SULF1: variants seen among roughly 807,000 people sequenced by gnomAD.
SULF1 encodes sulfatase 1.
Under a neutral mutation model 110.5 loss-of-function variants are expected in SULF1, and 46 were observed. The observed-to-expected ratio is 0.42, with a 90% CI of 0.33 to 0.53. SULF1 has a LOEUF of 0.53. Ranked by LOEUF, SULF1 falls within the 20% of genes least tolerant of loss-of-function variation. SULF1 has a pLI of 0.12. For synonymous variants in SULF1, 371 were observed against 387.1 expected, an observed-to-expected ratio of 0.96 and a Z score of 0.49; for missense variants, 941 against 1,094.2, an observed-to-expected ratio of 0.86 and a Z score of 1.98.
At chr8:69,619,028 C>A (rs2130534565) in intron 13 of SULF1, among the ~76,000 whole-genome samples, 1 of 152,224 alleles carries the variant, frequency 6.6e-6, no homozygotes, top group Admixed American at 6.5e-5. Flanking sequence ...GTATGAGATC[C>A]TTTTAAATGA....
Position 69,604,835 on chromosome 8 carries a change from A to C in SULF1, c.1280A>C (p.Lys427Thr). 6.2e-7 allele frequency: 1 copy of C among 1,614,216 alleles called. No homozygotes were observed. The change falls in exon 13 of 23, where the codon AAG becomes ACG. Residue 427 changes from lysine (K) to threonine (T), a missense_variant. Physicochemically the swap from Lys to Thr is moderately conservative, Grantham distance 78. This residue lies in a region of SULF1 where 822 missense variants were observed against 934.3 expected (regional missense o/e 0.88). Coordinates refer to ENST00000402687, the MANE Select transcript of SULF1 (RefSeq NM_001128205.2). ...CTACGTAAGAAGGAAGAATCCAGCA[A>C]GAATATCCAACAGTCAAATCACTTG... is the stretch of plus-strand genomic sequence containing the variant. ...KFLRKKEESSKNIQQSNHLPK... is the reference protein window; with the variant it reads ...KFLRKKEESSTNIQQSNHLPK...
intron 3 of SULF1, among the ~76,000 whole-genome samples, chr8:69,521,116 A>G (rs1224547130): frequency 6.6e-6 from 1 of 152,190 alleles, no homozygotes; most frequent in Non-Finnish European, 1.5e-5. Flanking sequence ...TTTCCTTAGA[A>G]GTCTCAACAA....
At chr8:69,568,875 A>G (rs1035651981) in intron 5 of SULF1, among the ~76,000 whole-genome samples, 2 of 152,236 alleles carry the variant, frequency 1.3e-5, no homozygotes, top group Non-Finnish European at 2.9e-5. Flanking sequence ...CTGAAAAAAT[A>G]TATATCTGAA....
intron 3 of SULF1, among the ~76,000 whole-genome samples, chr8:69,523,002 A>G (rs989419084): frequency 1.3e-5 from 2 of 152,238 alleles, no homozygotes; most frequent in African/African-American, 4.8e-5. Flanking sequence ...AGAGAAGCAC[A>G]GTAAAATATG....
At chr8:69,573,159 G>A (rs1805359952) in intron 5 of SULF1, among the ~76,000 whole-genome samples, 1 of 152,192 alleles carries the variant, frequency 6.6e-6, no homozygotes, top group African/African-American at 2.4e-5. Context: ...CCCAGTGGTG[G>A]AGCTGTATTC....
chr8:69,548,784 A>G (rs1814478285), intron 3 of SULF1, among the ~76,000 whole-genome samples: 1 of 151,122 alleles, frequency 6.6e-6, no homozygotes. Context: ...TTGAGGACCC[A>G]GAGCCAAAAC....
At chr8:69,530,547 T>C (rs140417788) in intron 3 of SULF1, among the ~76,000 whole-genome samples, 1 of 152,322 alleles carries the variant, frequency 6.6e-6, no homozygotes, top group African/African-American at 2.4e-5. Context: ...TGTTCTGCTT[T>C]GACTTCTCTC....
Position 69,629,382 on chromosome 8 carries a change from A to G in SULF1, c.2109-122A>G. ...TTTTAAGTCCCTCTATACAAAATGAAGGTCGTCCATTATCTCTTATCAAGG... is the reference window on the plus strand; with the variant it reads ...TTTTAAGTCCCTCTATACAAAATGAGGGTCGTCCATTATCTCTTATCAAGG... On this transcript the variant is annotated intron_variant, in intron 18 of 22. Coordinates refer to ENST00000402687, the MANE Select transcript of SULF1 (RefSeq NM_001128205.2). 9 of 1,002,128 alleles carry G rather than the reference A, an allele frequency of 9.0e-6. No individual in the cohort carries two copies. The South Asian group carries it at 1.5e-4, about 16-fold the overall frequency. 62.1% of individuals were successfully genotyped at this position (1,002,128 alleles called of 1,614,324 possible).
chr8:69,614,876 G>T (rs1039143565), intron 13 of SULF1, among the ~76,000 whole-genome samples: 1 of 152,234 alleles, frequency 6.6e-6, no homozygotes, highest in African/African-American at 2.4e-5. Flanking sequence ...TTTGTGGAAT[G>T]ACTGTGTGCT....
At chr8:69,503,251 A>G (rs185803001) in intron 3 of SULF1, among the ~76,000 whole-genome samples, 2 of 152,312 alleles carry the variant, frequency 1.3e-5, no homozygotes, top group East Asian at 3.9e-4. Context: ...TTTGACATAA[A>G]GTTATAAGCA....
Position 69,621,110 on chromosome 8 carries a change from G to A in SULF1, c.1453G>A (p.Val485Ile). The change falls in exon 14 of 23, where the codon GTC becomes ATC. Residue 485 changes from valine to isoleucine, a missense_variant. Coordinates refer to ENST00000402687, the MANE Select transcript of SULF1 (RefSeq NM_001128205.2). ...KCKGPSDLLT[V>I]RQSTRNLYAR... ...TAAAGGACCCAGTGACCTGCTCACA[G>A]TCCGGCAGAGCACGCGGAACCTCTA... 6.2e-7 allele frequency: 1 copy of A among 1,614,174 alleles called. No individual in the cohort carries two copies. Among genetic ancestry groups the A allele is most frequent in the African/African-American group, 1.3e-5 (1 of 75,060 alleles).
intron 1 of SULF1, among the ~76,000 whole-genome samples, chr8:69,479,447 C>G (rs1488764753): frequency 6.6e-6 from 1 of 152,030 alleles, no homozygotes; most frequent in Non-Finnish European, 1.5e-5. Context: ...AAAATTTTGT[C>G]TAGGAATGGC....
At chr8:69,563,810 G>C in intron 4 of SULF1, 106 bp from the exon 5 acceptor site, 2 of 642,522 alleles carry the variant, frequency 3.1e-6, no homozygotes, top group Non-Finnish European at 5.3e-6. Flanking sequence ...GTCTCTGCCA[G>C]CTTATGTGCC....
chr8:69,518,967 C>T (rs889523875), intron 3 of SULF1, among the ~76,000 whole-genome samples: 2 of 152,166 alleles, frequency 1.3e-5, no homozygotes, highest in African/African-American at 4.8e-5. Flanking sequence ...ACACTCTATC[C>T]TCATCTCTGC....
At chr8:69,551,610 T>C (rs1814714778) in intron 3 of SULF1, among the ~76,000 whole-genome samples, 1 of 152,174 alleles carries the variant, frequency 6.6e-6, no homozygotes, top group African/African-American at 2.4e-5. Context: ...AGATAGAAAA[T>C]AATCCTATCT....
rs561857069 is a variant in SULF1 at position 69,521,337 on chromosome 8, A to G, written c.-134+19369A>G. On this transcript the variant is annotated intron_variant, in intron 3 of 22. Transcript: ENST00000402687. ...AGGTCTTCCATTCTAATAGCAGGAG[A>G]CAGACAATAAGACTAACCACAATAT... is the stretch of plus-strand genomic sequence containing the variant. Among the ~76,000 whole-genome samples, 96 of 152,306 alleles carry G rather than the reference A, an allele frequency of 6.3e-4. 1 individual carries two copies. The highest frequency in any genetic ancestry group is 2.2e-3 in the African/African-American group (91 of 41,570).
intron 3 of SULF1, among the ~76,000 whole-genome samples, chr8:69,530,613 T>C (rs935911807): frequency 6.6e-6 from 1 of 152,220 alleles, no homozygotes; most frequent in African/African-American, 2.4e-5. Flanking sequence ...AGGTTCTCTC[T>C]GGATTTCATT....
At chr8:69,574,832 A>G (rs987019303) in intron 5 of SULF1, among the ~76,000 whole-genome samples, 2 of 152,200 alleles carry the variant, frequency 1.3e-5, no homozygotes, top group African/African-American at 2.4e-5. Context: ...ATGAGACCCA[A>G]TTAGAAACCC....
chr8:69,608,367 T>A (rs756847672), intron 13 of SULF1, among the ~76,000 whole-genome samples: 1 of 152,214 alleles, frequency 6.6e-6, no homozygotes, highest in Non-Finnish European at 1.5e-5. Flanking sequence ...TTTTCATTCC[T>A]ATGAAGCCAA....
Sources: gnomAD v4.1 joint callset for allele counts (sites outside exome capture counted in the v4.1 genomes callset) on GRCh38, gnomAD v4.1.1 for gene constraint, gnomAD v4.1.1 regional missense constraint, MANE v1.5 for transcripts, NCBI Gene and HGNC (gene_info 2026-07-23, HGNC 2026-07-21) for gene names.